PPIP5K2: variants seen among roughly 807,000 people sequenced by gnomAD.
PPIP5K2 encodes the protein diphosphoinositol pentakisphosphate kinase 2.
In PPIP5K2, 105 loss-of-function variants were observed where a neutral mutation model predicts 154.6. The observed-to-expected ratio is 0.68, with a 90% confidence interval of 0.58 to 0.80. PPIP5K2 has a LOEUF of 0.80. PPIP5K2 is among the 30% of genes least tolerant of loss of function. The probability of loss-of-function intolerance (pLI) is 0.00; values close to 1 mark genes in which losing one functional copy is unlikely to be tolerated. For synonymous variants in PPIP5K2, 480 were observed against 490.3 expected (o/e 0.98, Z 0.28); for missense variants, 992 against 1,504.6 (o/e 0.66, Z 5.64).
intron 1 of PPIP5K2, among the ~76,000 whole-genome samples, chr5:103,128,344 C>T (rs1790061914): frequency 6.6e-6 from 1 of 151,942 alleles, no homozygotes; most frequent in Non-Finnish European, 1.5e-5. Context: ...ATGTAAACAA[C>T]TATGGTAAGG....
chr5:103,144,052 C>T (rs1410399517), intron 5 of PPIP5K2, among the ~76,000 whole-genome samples: 2 of 151,382 alleles, frequency 1.3e-5, no homozygotes, highest in African/African-American at 4.9e-5. Flanking sequence ...GTCTTTACCA[C>T]AAAACTATTA....
At position 103,180,017 on chromosome 5, in the gene PPIP5K2, A is replaced by G; in HGVS notation, c.2755-4A>G. The G allele has an allele frequency of 6.6e-7, 1 of 1,514,226 alleles. No individual in the cohort carries two copies. 93.8% of individuals were successfully genotyped at this position (1,514,226 alleles called of 1,614,324 possible). A position where few individuals can be genotyped will look rare whatever the true frequency, so the allele number is the denominator to read the frequency against. ...TAAAAGTGTTTTATATTCTTTGCTC[A>G]CAGAATGAAGGCAGGAGACCTTTTA... is the stretch of plus-strand genomic sequence containing the variant. On this transcript the variant is annotated splice_polypyrimidine_tract_variant and splice_region_variant and intron_variant, in intron 23 of 30. Transcript: ENST00000358359.
intron 21 of PPIP5K2, among the ~76,000 whole-genome samples, chr5:103,176,667 A>G (rs782468074): frequency 2.0e-5 from 3 of 151,998 alleles, no homozygotes; most frequent in African/African-American, 7.2e-5. Flanking sequence ...TATATTTGTA[A>G]TGTAATTACA....
At chr5:103,186,560 G>A in intron 27 of PPIP5K2, 121 bp downstream of exon 27, 1 of 1,395,312 alleles carries the variant, frequency 7.2e-7, no homozygotes. Flanking sequence ...GTCATCTTTT[G>A]CCTAAATGAC....
rs942265760 is a variant in PPIP5K2, at chr5:103,154,429, G to A, written c.1218-241G>A. ...AACTATAATTGTATGTTTGGTTTCC[G>A]TGAAAAAACTTTGAAAAGTAGTATG... On this transcript the variant is annotated intron_variant, in intron 11 of 30. Coordinates refer to ENST00000358359, the MANE Select transcript of PPIP5K2 (RefSeq NM_001276277.3). Among the ~76,000 whole-genome samples, 9 of 152,062 alleles carry A rather than the reference G, an allele frequency of 5.9e-5. No individual in the cohort carries two copies. In the East Asian group the frequency reaches 9.6e-4, roughly 16 times the overall value.
chr5:103,178,746 C>T (rs1799090029), intron 23 of PPIP5K2, among the ~76,000 whole-genome samples: 1 of 151,430 alleles, frequency 6.6e-6, no homozygotes, highest in South Asian at 2.1e-4. Context: ...TTTAACTATA[C>T]TTTATATTTT....
At chr5:103,194,380 C>T (rs1554227795) in intron 29 of PPIP5K2, among the ~76,000 whole-genome samples, 1 of 152,096 alleles carries the variant, frequency 6.6e-6, no homozygotes, top group African/African-American at 2.4e-5. Context: ...TCTTGAACTC[C>T]TGGGGTCAAG....
Position 103,173,432 on chromosome 5 carries a change from A to G in PPIP5K2, c.2414+150A>G, listed in dbSNP as rs1798249210. On this transcript the variant is annotated intron_variant, in intron 20 of 30. Transcript: ENST00000358359. ...TACCTAGGTATTTCTATTAAGTTCC[A>G]ACCAAAGTTATTTTTGGCTCCACTT... is the stretch of plus-strand genomic sequence containing the variant. 17 of 1,012,918 alleles carry G rather than the reference A, an allele frequency of 1.7e-5. No individual in the cohort carries two copies. The South Asian group carries it at 3.1e-4, about 19-fold the overall frequency. The allele number at this position is 1,012,918 out of a possible 1,614,324, so 62.7% of individuals were successfully genotyped here. A position where few individuals can be genotyped will look rare whatever the true frequency, so the allele number is the denominator to read the frequency against.
At chr5:103,144,012 G>T (rs1793303516) in intron 5 of PPIP5K2, among the ~76,000 whole-genome samples, 1 of 152,088 alleles carries the variant, frequency 6.6e-6, no homozygotes, top group South Asian at 2.1e-4. Flanking sequence ...GTTTATAGAT[G>T]ATATGATCTT....
intron 8 of PPIP5K2, among the ~76,000 whole-genome samples, chr5:103,150,675 G>T (rs1327869615): frequency 6.6e-6 from 1 of 151,996 alleles, no homozygotes; most frequent in African/African-American, 2.4e-5. Flanking sequence ...GGTGGCTGGG[G>T]CACAAGAATT....
At chr5:103,162,122 T>A (rs34429307) in intron 17 of PPIP5K2, among the ~76,000 whole-genome samples, 1 of 152,164 alleles carries the variant, frequency 6.6e-6, no homozygotes, top group Non-Finnish European at 1.5e-5. Flanking sequence ...GTCATTCTGG[T>A]GGATATACCT....
Position 103,183,353 on chromosome 5 carries a change from T to G in PPIP5K2, c.3042T>G (p.Pro1014=). ...RRSGEQITSS[P]VSPKSLAFTS... ...CAGGGGAACAAATCACTTCTTCCCC[T>G]GTCTCCCCCAAATCATTGGCTTTCA... is the stretch of plus-strand genomic sequence containing the variant. The change falls in exon 25 of 31, where the codon CCT becomes CCG. Residue 1014 remains proline (P), a synonymous_variant. Coordinates refer to ENST00000358359, the MANE Select transcript of PPIP5K2 (RefSeq NM_001276277.3). The G allele has an allele frequency of 6.2e-7, 1 of 1,611,384 alleles. No individual in the cohort carries two copies. Among genetic ancestry groups the G allele is most frequent in the Non-Finnish European group, 8.5e-7 (1 of 1,179,140 alleles).
At chr5:103,183,044 A>G (rs1333999796) in intron 24 of PPIP5K2, among the ~76,000 whole-genome samples, 190 bp from the exon 25 acceptor site, 2 of 152,006 alleles carry the variant, frequency 1.3e-5, no homozygotes, top group East Asian at 3.8e-4. Flanking sequence ...AAATTCTCAA[A>G]TAGTGAAATA....
At chr5:103,149,013 A>G in intron 7 of PPIP5K2, 139 bp from the exon 8 acceptor site, 1 of 676,390 alleles carries the variant, frequency 1.5e-6, no homozygotes, top group Non-Finnish European at 2.3e-6. Flanking sequence ...TTGGGCATGT[A>G]AAATAGAAAG....
At position 103,206,009 on chromosome 5, in the gene PPIP5K2, T is replaced by A. The variant is rs561695816; in HGVS notation, c.*4375T>A. 3.9e-4 allele frequency: 60 copies of A among 152,304 alleles called. No individual in the cohort carries two copies. The highest frequency in any genetic ancestry group is 6.9e-4 in the Non-Finnish European group (47 of 68,016). The allele number at this position is 152,304 out of a possible 1,614,324, so 9.4% of individuals were successfully genotyped here. On this transcript the variant is annotated 3_prime_UTR_variant, in exon 31 of 31. Coordinates refer to ENST00000358359, the MANE Select transcript of PPIP5K2 (RefSeq NM_001276277.3). ...TAATAGATTAGTGTAGTCTGTTTTA[T>A]GTAATGTATCTTTGCTTTTAGATTG...
intron 10 of PPIP5K2, 55 bp from the exon 11 acceptor site, chr5:103,153,793 A>G: frequency 7.9e-7 from 1 of 1,267,492 alleles, no homozygotes; most frequent in South Asian, 1.3e-5. Flanking sequence ...AATCTGAATT[A>G]TACAACACAA....
rs782332042 is a variant in PPIP5K2 at position 103,179,712 on chromosome 5, GTTTA to G, written c.2755-302_2755-299del. 3.6e-4 allele frequency among the ~76,000 whole-genome samples: 54 copies of G among 152,008 alleles called. No homozygotes were observed. The South Asian group carries it at 4.8e-3, about 13-fold the overall frequency. On this transcript the variant is annotated intron_variant, in intron 23 of 30. Coordinates refer to ENST00000358359, the MANE Select transcript of PPIP5K2 (RefSeq NM_001276277.3). The stretch of plus-strand genomic sequence containing the variant: ...TTTCTTACTGTCATTTATTATTATT[GTTTA>G]TTTATTCTTGCACTTGATGAAATGT...
chr5:103,161,671 A>C (rs1350166578), intron 17 of PPIP5K2, among the ~76,000 whole-genome samples: 3 of 152,156 alleles, frequency 2.0e-5, no homozygotes, highest in Non-Finnish European at 2.9e-5. Context: ...GTGAGATGGT[A>C]TCTCATTGTG....
intron 5 of PPIP5K2, 47 bp from the exon 6 acceptor site, chr5:103,146,475 GATAAT>G (rs1793776840): frequency 6.4e-7 from 1 of 1,568,706 alleles, no homozygotes; most frequent in Non-Finnish European, 8.7e-7. Context: ...GTGGTGTCCT[GATAAT>G]ATAATAAGAA....
Sources: allele counts gnomAD v4.1 joint callset (sites outside exome capture counted in the v4.1 genomes callset), GRCh38; gene constraint gnomAD v4.1.1; transcripts MANE v1.5; gene names NCBI Gene and HGNC (gene_info 2026-07-23, HGNC 2026-07-21).